Variants in SLIT3 observed in about 807,000 individuals in gnomAD.
The protein encoded by SLIT3 is slit homolog 3 protein.
In SLIT3, 68 loss-of-function variants were observed where a neutral mutation model predicts 184.0. That is an observed-to-expected ratio of 0.37 (90% CI 0.30 to 0.45). The LOEUF is 0.45. Among genes scored for constraint, SLIT3 ranks in the 20% least tolerant of loss-of-function variants. SLIT3 has a pLI of 1.00. For missense variants in SLIT3, 1,707 were observed against 2,026.0 expected (o/e 0.84, Z 3.02); for synonymous variants, 831 against 828.6 (o/e 1.00, Z -0.05).
At chr5:169,234,483 C>T (rs1315178906) in intron 3 of SLIT3, among the ~76,000 whole-genome samples, 1 of 152,120 alleles carries the variant, frequency 6.6e-6, no homozygotes, top group African/African-American at 2.4e-5. Flanking sequence ...CTTGGCTCAC[C>T]TCAACCTCCA....
intron 20 of SLIT3, among the ~76,000 whole-genome samples, chr5:168,729,680 TCA>T (rs2113393800): frequency 6.6e-6 from 1 of 151,992 alleles, no homozygotes; most frequent in South Asian, 2.1e-4. Flanking sequence ...ATATTCACTA[TCA>T]CAAAAAATCA....
At chr5:168,765,669 C>T (rs969897226) in intron 14 of SLIT3, among the ~76,000 whole-genome samples, 2 of 152,226 alleles carry the variant, frequency 1.3e-5, no homozygotes, top group Admixed American at 6.5e-5. Context: ...ATATTTGTCA[C>T]TGCCAGAAAT....
intron 1 of SLIT3, among the ~76,000 whole-genome samples, chr5:169,272,546 A>T (rs1766663858): frequency 6.6e-6 from 1 of 152,254 alleles, no homozygotes. Context: ...TGCCCAGCAC[A>T]GTGCCTTGCC....
rs368248963 is a variant in SLIT3 at position 168,711,345 on chromosome 5, AGGGAGCTTCCTGGATCACT to A, written c.2556-306_2556-288del. Reference sequence around the variant, plus strand: ...AACTCAACCCCATCCTAGCTCCTTTAGGGAGCTTCCTGGATCACTGGCCATCTGATTATCTGGTTCCCTT... The same window carrying A: ...AACTCAACCCCATCCTAGCTCCTTTAGGCCATCTGATTATCTGGTTCCCTT... On this transcript the variant is annotated intron_variant, in intron 24 of 35. Transcript: ENST00000519560. Among the ~76,000 whole-genome samples the A allele has an allele frequency of 4.5e-3, 680 of 152,134 alleles. 4 individuals carry two copies. Among genetic ancestry groups the A allele is most frequent in the African/African-American group, 0.015 (640 of 41,502 alleles).
intron 25 of SLIT3, 99 bp from the exon 26 acceptor site, chr5:168,708,199 G>C: frequency 6.5e-7 from 1 of 1,544,228 alleles, no homozygotes; most frequent in Admixed American, 1.8e-5. Flanking sequence ...GCCAGCGCCA[G>C]CCCCTTCCCA....
intron 4 of SLIT3, among the ~76,000 whole-genome samples, chr5:169,019,436 A>G (rs1756515837): frequency 6.6e-6 from 1 of 152,272 alleles, no homozygotes; most frequent in African/African-American, 2.4e-5. Context: ...GGAGACTTGT[A>G]TGATCACTCA....
chr5:168,939,354 C>T (rs1200801922), intron 4 of SLIT3, among the ~76,000 whole-genome samples: 1 of 152,176 alleles, frequency 6.6e-6, no homozygotes, highest in Non-Finnish European at 1.5e-5. Flanking sequence ...ACAAGGAATT[C>T]TGGCTGGAAC....
At chr5:168,931,045 C>G (rs1245264085) in intron 4 of SLIT3, among the ~76,000 whole-genome samples, 1 of 152,186 alleles carries the variant, frequency 6.6e-6, no homozygotes, top group African/African-American at 2.4e-5. Context: ...AACCTGCTGA[C>G]AGCCAGCCCG....
intron 4 of SLIT3, among the ~76,000 whole-genome samples, chr5:168,948,395 A>G (rs577446284): frequency 2.6e-5 from 4 of 152,240 alleles, no homozygotes; most frequent in Middle Eastern, 3.4e-3. Context: ...CATGTGATTT[A>G]GGTGCATACA....
At chr5:168,959,409 CTG>C (rs1335338182) in intron 4 of SLIT3, among the ~76,000 whole-genome samples, 1 of 152,178 alleles carries the variant, frequency 6.6e-6, no homozygotes, top group African/African-American at 2.4e-5. Context: ...GTTGACAGGA[CTG>C]TGTGATCAAA....
chr5:169,183,963 T>C (rs1561721409), intron 4 of SLIT3, among the ~76,000 whole-genome samples: 1 of 152,250 alleles, frequency 6.6e-6, no homozygotes, highest in Non-Finnish European at 1.5e-5. Flanking sequence ...GCTGGCAGAA[T>C]GTACTTCTCA....
chr5:168,847,364 C>T (rs951121792), intron 5 of SLIT3, among the ~76,000 whole-genome samples: 1 of 152,154 alleles, frequency 6.6e-6, no homozygotes, highest in African/African-American at 2.4e-5. Flanking sequence ...ATATTCCAAC[C>T]ATGATGGTCA....
At chr5:169,195,297 T>C (rs1763705955) in intron 3 of SLIT3, among the ~76,000 whole-genome samples, 1 of 152,070 alleles carries the variant, frequency 6.6e-6, no homozygotes. Flanking sequence ...GATGAGCGAC[T>C]AGAAGGAGGT....
intron 4 of SLIT3, among the ~76,000 whole-genome samples, chr5:169,042,263 C>T (rs1757471359): frequency 6.6e-6 from 1 of 152,110 alleles, no homozygotes; most frequent in South Asian, 2.1e-4. Flanking sequence ...CCTGAGAAAC[C>T]AGAAGAGGCT....
At chr5:169,135,169 C>T (rs1761458372) in intron 4 of SLIT3, among the ~76,000 whole-genome samples, 2 of 152,152 alleles carry the variant, frequency 1.3e-5, no homozygotes, top group Admixed American at 1.3e-4. Context: ...TCCAGTGATA[C>T]AATCTCAGCT....
chr5:169,262,586 C>T (rs1277794534), intron 1 of SLIT3, among the ~76,000 whole-genome samples: 2 of 152,052 alleles, frequency 1.3e-5, no homozygotes, highest in African/African-American at 4.8e-5. Flanking sequence ...ATAAAAGGGG[C>T]CGAGCAAGGA....
chr5:168,687,482 G>A (rs942623471), intron 29 of SLIT3, among the ~76,000 whole-genome samples: 1 of 152,192 alleles, frequency 6.6e-6, no homozygotes, highest in Non-Finnish European at 1.5e-5. Context: ...TCAGGACCCT[G>A]TAAGGGAGGG....
At chr5:169,031,201 C>A (rs1247040994) in intron 4 of SLIT3, among the ~76,000 whole-genome samples, 1 of 152,172 alleles carries the variant, frequency 6.6e-6, no homozygotes, top group Non-Finnish European at 1.5e-5. Context: ...TCAGTGTAGG[C>A]AGTGAAAACT....
chr5:169,135,097 C>G (rs1761453779), intron 4 of SLIT3, among the ~76,000 whole-genome samples: 1 of 152,106 alleles, frequency 6.6e-6, no homozygotes, highest in Non-Finnish European at 1.5e-5. Context: ...TGGACTTGAT[C>G]AGTGTGTTTT....
Sources: allele counts gnomAD v4.1 joint callset (sites outside exome capture counted in the v4.1 genomes callset), GRCh38; gene constraint gnomAD v4.1.1; transcripts MANE v1.5; gene names NCBI Gene and HGNC (gene_info 2026-07-23, HGNC 2026-07-21).